The following RP1L1 variants were observed in gnomAD, a reference collection of about 807,000 sequenced individuals.
RP1L1 encodes retinitis pigmentosa 1-like 1 protein.
Under a neutral mutation model 15.7 loss-of-function variants are expected in RP1L1, and 27 were observed. That is an observed-to-expected ratio of 1.72 (90% confidence interval 1.27 to 2.38). The LOEUF is 2.38. Among genes scored for constraint, RP1L1 ranks in the 30% most tolerant of loss-of-function variants. The probability of loss-of-function intolerance (pLI) is 0.00; values close to 1 mark genes in which losing one functional copy is unlikely to be tolerated. For missense variants in RP1L1, 4,798 were observed against 3,075.9 expected (o/e 1.56, Z -13.24); for synonymous variants, 1,813 against 1,276.7 (o/e 1.42, Z -8.96).
chr8:10,608,018 G>A lies in RP1L1; in HGVS notation c.6080C>T (p.Pro2027Leu), dbSNP rs1234421029. 1 of 1,601,164 alleles carries A rather than the reference G, an allele frequency of 6.2e-7. No individual in the cohort carries two copies. The highest frequency in any genetic ancestry group is 1.1e-5 in the South Asian group (1 of 90,466). ...CTGGGCCTCTTCACCTTCTGACTTTGGCTGGGCCTCTACACCGTCTGACTC... is the reference window on the plus strand; with the variant it reads ...CTGGGCCTCTTCACCTTCTGACTTTAGCTGGGCCTCTACACCGTCTGACTC... ...QPESDGVEAQ[P>L]KSEGEEAQEV... The change falls in exon 4 of 4, where the codon CCA (proline) becomes CTA (leucine). Residue 2027 changes from proline to leucine, a missense_variant. Coordinates refer to ENST00000382483, the MANE Select transcript of RP1L1 (RefSeq NM_178857.6).
intron 1 of RP1L1, among the ~76,000 whole-genome samples, chr8:10,652,767 C>G (rs989349472): frequency 1.3e-5 from 2 of 152,214 alleles, no homozygotes; most frequent in Admixed American, 1.3e-4. Flanking sequence ...CCACGTCCCC[C>G]CTGATTCCCT....
chr8:10,632,605 A>G (rs532474324), intron 1 of RP1L1, among the ~76,000 whole-genome samples: 1 of 152,080 alleles, frequency 6.6e-6, no homozygotes, highest in South Asian at 2.1e-4. Flanking sequence ...TACACGCCTT[A>G]TTTCTCCCGC....
intron 3 of RP1L1, among the ~76,000 whole-genome samples, 188 bp from the exon 4 acceptor site, chr8:10,613,534 C>T (rs1585970847): frequency 1.6e-5 from 2 of 125,948 alleles, no homozygotes; most frequent in South Asian, 2.7e-4. Context: ...GAGGCCGAGG[C>T]GGGAGGACTG....
At position 10,611,039 on chromosome 8, in the gene RP1L1, T is replaced by C; in HGVS notation, c.3059A>G (p.Gln1020Arg). 6.2e-7 allele frequency: 1 copy of C among 1,612,794 alleles called. No individual in the cohort carries two copies. The highest frequency in any genetic ancestry group is 8.5e-7 in the Non-Finnish European group (1 of 1,179,990). ...GAGGGCTCCCTCTGGCTCTGGGTCCTGGCCGGGGTCCCCTTCCAGGGACTG... is the reference window on the plus strand; with the variant it reads ...GAGGGCTCCCTCTGGCTCTGGGTCCCGGCCGGGGTCCCCTTCCAGGGACTG... ...GQQSLEGDPG[Q>R]DPEPEGALLG... Residue 1020 changes from glutamine (Q) to arginine (R), a missense_variant, in exon 4 of 4, where the codon CAG becomes CGG. Physicochemically the swap from Gln to Arg is conservative, Grantham distance 43. Transcript: ENST00000382483.
intron 3 of RP1L1, among the ~76,000 whole-genome samples, chr8:10,615,257 G>T (rs577254185): frequency 6.6e-6 from 1 of 152,228 alleles, no homozygotes; most frequent in Non-Finnish European, 1.5e-5. Flanking sequence ...ATAGTACTTT[G>T]TTTACTCGCC....
In RP1L1 at chr8:10,606,922, G is replaced by T; in HGVS notation, c.7176C>A (p.Gly2392=). 1 of 1,614,246 alleles carries T rather than the reference G, an allele frequency of 6.2e-7. No homozygotes were observed. ...AGAAATCTAAGTCATCTTGGCCAAA[G>T]CCGTCTGCCCTGCCCACTGCCTCAG... ...APTEAVGRAD[G]FGQDDLDF Residue 2392 remains glycine, a synonymous_variant, in exon 4 of 4, where the codon GGC becomes GGA. Coordinates refer to ENST00000382483, the MANE Select transcript of RP1L1 (RefSeq NM_178857.6).
At chr8:10,633,742 G>C (rs1275407980) in intron 1 of RP1L1, among the ~76,000 whole-genome samples, 1 of 152,080 alleles carries the variant, frequency 6.6e-6, no homozygotes, top group African/African-American at 2.4e-5. Context: ...CCTAAGTACA[G>C]ACTACACGAG....
In RP1L1 at chr8:10,611,513, C is replaced by A. The variant is rs1214366662; in HGVS notation, c.2585G>T (p.Cys862Phe). 7.0e-6 allele frequency: 11 copies of A among 1,578,502 alleles called. No individual in the cohort carries two copies. The highest frequency in any genetic ancestry group is 9.5e-6 in the Non-Finnish European group (11 of 1,163,906). Residue 862 changes from cysteine to phenylalanine, a missense_variant, in exon 4 of 4, where the codon TGC (cysteine) becomes TTC (phenylalanine). Coordinates refer to ENST00000382483, the MANE Select transcript of RP1L1 (RefSeq NM_178857.6). The part of the protein sequence containing the change: ...YCPTPPRGRP[C>F]PQRRSSSCGS... Reference sequence around the variant, plus strand: ...ACAGCTGGAAGAGCGCCTCTGGGGGCAGGGCCGCCCCCTGGGCGGGGTGGG... The same window carrying A: ...ACAGCTGGAAGAGCGCCTCTGGGGGAAGGGCCGCCCCCTGGGCGGGGTGGG...
In RP1L1 at chr8:10,612,497, T is replaced by A. The variant is rs762917359; in HGVS notation, c.1601A>T (p.Asp534Val). 2 of 1,611,784 alleles carry A rather than the reference T, an allele frequency of 1.2e-6. No individual in the cohort carries two copies. The highest frequency in any genetic ancestry group is 1.7e-6 in the Non-Finnish European group (2 of 1,179,766). The part of the protein sequence containing the change: ...RARSEEGASS[D>V]SSASTGSHEG... ...ATGAGAGCCGGTGCTGGCTGACGAG[T>A]CCGAAGAAGCCCCCTCCTCACTCCG... The change falls in exon 4 of 4, where the codon GAC becomes GTC. Residue 534 changes from aspartate to valine, a missense_variant. Physicochemically the swap from Asp to Val is radical, Grantham distance 152. Transcript: ENST00000382483.
chr8:10,608,121 C>T lies in RP1L1; in HGVS notation c.5977G>A (p.Ala1993Thr), dbSNP rs746076334. 1 of 1,613,590 alleles carries T rather than the reference C, an allele frequency of 6.2e-7. No homozygotes were observed. ...TCTACATCTTCTGACTCTGGCTGGG[C>T]CTCCCCTTCTGCCTCCTGGGTCTCC... Reference protein sequence around the residue: ...EVETQEAEGEAQPESEDVEAP... With the variant: ...EVETQEAEGETQPESEDVEAP... The change falls in exon 4 of 4, where the codon GCC becomes ACC. Residue 1993 changes from alanine (A) to threonine (T), a missense_variant. Transcript: ENST00000382483.
intron 1 of RP1L1, among the ~76,000 whole-genome samples, chr8:10,637,147 C>A (rs1244155999): frequency 6.6e-6 from 1 of 152,170 alleles, no homozygotes; most frequent in East Asian, 1.9e-4. Flanking sequence ...ACAGCTGAGC[C>A]TTCCTGGTCA....
intron 1 of RP1L1, among the ~76,000 whole-genome samples, chr8:10,634,238 T>G (rs1585992205): frequency 6.6e-6 from 1 of 152,192 alleles, no homozygotes; most frequent in East Asian, 1.9e-4. Flanking sequence ...CTAAATCAAC[T>G]GAACCATGTG....
intron 3 of RP1L1, among the ~76,000 whole-genome samples, chr8:10,614,505 C>CA (rs1179329304): frequency 6.6e-6 from 1 of 151,702 alleles, no homozygotes; most frequent in Non-Finnish European, 1.5e-5. Context: ...ACTAAAAGCA[C>CA]AAAAAAATAG....
rs762749436 is a variant in RP1L1 at position 10,607,659 on chromosome 8, C to T, written c.6439G>A (p.Gly2147Ser). The T allele has an allele frequency of 5.0e-6, 8 of 1,590,358 alleles. No individual in the cohort carries two copies. Among genetic ancestry groups the T allele is most frequent in the African/African-American group, 2.7e-5 (2 of 73,622 alleles). Residue 2147 changes from glycine to serine, a missense_variant, in exon 4 of 4, where the codon GGT becomes AGT. By Grantham distance (56) the Gly-to-Ser change is moderately conservative (BLOSUM62 0). Transcript: ENST00000382483. The part of the protein sequence containing the change: ...AEGEAQPESE[G>S]VEAQDAEGEA... ...CCTTCTGCATCCTGGGCCTCTACAC[C>T]TTCTGACTCAGGCTGGGCCTCCCCT...
At chr8:10,630,369 C>A (rs955497574) in intron 1 of RP1L1, among the ~76,000 whole-genome samples, 1 of 152,252 alleles carries the variant, frequency 6.6e-6, no homozygotes, top group Admixed American at 6.5e-5. Flanking sequence ...CACTGCAGAG[C>A]TGAGTTCCAG....
intron 1 of RP1L1, among the ~76,000 whole-genome samples, chr8:10,651,494 T>C (rs541954927): frequency 1.3e-5 from 2 of 152,186 alleles, no homozygotes; most frequent in Non-Finnish European, 2.9e-5. Context: ...TTTGGGAGGC[T>C]GAGGTGGGCA....
At chr8:10,635,529 T>A (rs890221922) in intron 1 of RP1L1, among the ~76,000 whole-genome samples, 2 of 152,244 alleles carry the variant, frequency 1.3e-5, no homozygotes, top group East Asian at 3.9e-4. Flanking sequence ...CTACTGAGAC[T>A]GGGCATGGTC....
At chr8:10,613,610 A>C (rs1341717069) in intron 3 of RP1L1, among the ~76,000 whole-genome samples, 4 of 142,204 alleles carry the variant, frequency 2.8e-5, no homozygotes, top group African/African-American at 1.2e-4. Flanking sequence ...CAAAAAAAAA[A>C]AAAAAAAAAA....
At chr8:10,616,355 T>C in intron 3 of RP1L1, 91 bp downstream of exon 3, 6 of 1,560,086 alleles carry the variant, frequency 3.8e-6, no homozygotes, top group Non-Finnish European at 5.3e-6. Flanking sequence ...CAAAGGGAAG[T>C]TTCCTGAATT....
Sources: allele counts gnomAD v4.1 joint callset (sites outside exome capture counted in the v4.1 genomes callset), GRCh38; gene constraint gnomAD v4.1.1; transcripts MANE v1.5; gene names NCBI Gene and HGNC (gene_info 2026-07-23, HGNC 2026-07-21).